Variants in KCNJ15 observed in about 807,000 individuals in gnomAD.
KCNJ15 encodes the protein ATP-sensitive inward rectifier potassium channel 15.
A neutral mutation model predicts 23.0 loss-of-function variants in KCNJ15; 14 were observed. That is an observed-to-expected ratio of 0.61 (90% confidence interval 0.40 to 0.95). The LOEUF is 0.95. Among genes scored for constraint, KCNJ15 ranks in the 40% least tolerant of loss-of-function variants. The pLI is 0.00. For missense variants in KCNJ15, 388 were observed against 461.8 expected, an observed-to-expected ratio of 0.84 and a Z score of 1.46; for synonymous variants, 185 against 183.2, an observed-to-expected ratio of 1.01 and a Z score of -0.08.
chr21:38,291,820 G>C (rs1470550568), intron 1 of KCNJ15: 1 of 152,238 alleles, frequency 6.6e-6, no homozygotes, highest in African/African-American at 2.4e-5. Flanking sequence ...TAGAGACACA[G>C]TGTTGAGATC....
chr21:38,237,683 A>G (rs1601119813), intron 1 of KCNJ15, among the ~76,000 whole-genome samples: 1 of 152,152 alleles, frequency 6.6e-6, no homozygotes, highest in South Asian at 2.1e-4. Context: ...ATGAAAAGTG[A>G]CCTTGGCTGT....
At chr21:38,247,614 G>T (rs917363930) in intron 1 of KCNJ15, among the ~76,000 whole-genome samples, 2 of 152,126 alleles carry the variant, frequency 1.3e-5, no homozygotes, top group Non-Finnish European at 2.9e-5. Context: ...GAATGGATAT[G>T]TAGGTAGATG....
upstream of KCNJ15, among the ~76,000 whole-genome samples, chr21:38,255,530 A>G (rs963220636): frequency 5.3e-5 from 8 of 152,140 alleles, no homozygotes; most frequent in East Asian, 1.9e-4. Flanking sequence ...GCCACCATTT[A>G]TACTCCCAGG....
chr21:38,248,017 C>T (rs1180761040), intron 1 of KCNJ15, among the ~76,000 whole-genome samples: 1 of 152,232 alleles, frequency 6.6e-6, no homozygotes, highest in African/African-American at 2.4e-5. Flanking sequence ...GGGCTATGTT[C>T]ACTCCATCCA....
intron 1 of KCNJ15, among the ~76,000 whole-genome samples, chr21:38,288,927 C>T (rs540086563): frequency 9.9e-4 from 151 of 152,282 alleles, no homozygotes; most frequent in African/African-American, 3.1e-3. Flanking sequence ...AAGCCGGGCG[C>T]GGTGGCTCAC....
intron 1 of KCNJ15, among the ~76,000 whole-genome samples, chr21:38,284,452 C>T (rs1034196966): frequency 6.6e-6 from 1 of 152,148 alleles, no homozygotes; most frequent in African/African-American, 2.4e-5. Context: ...ACCTGTCACT[C>T]AGAGCTCCTG....
chr21:38,243,000 T>C (rs1979115340), intron 1 of KCNJ15, among the ~76,000 whole-genome samples: 1 of 152,194 alleles, frequency 6.6e-6, no homozygotes, highest in South Asian at 2.1e-4. Context: ...GAAACAAAGA[T>C]AGGGATTCAA....
At chr21:38,240,696 T>A (rs1019855357) in intron 1 of KCNJ15, among the ~76,000 whole-genome samples, 4 of 152,224 alleles carry the variant, frequency 2.6e-5, no homozygotes, top group Non-Finnish European at 5.9e-5. Flanking sequence ...ATTTAGTACA[T>A]TTTTTGACCA....
At position 38,300,263 on chromosome 21, in the gene KCNJ15, GA is replaced by G. The variant is rs754187054; in HGVS notation, c.1006del (p.Ser336AlafsTer30). 4 of 1,614,198 alleles carry G rather than the reference GA, an allele frequency of 2.5e-6. No individual in the cohort carries two copies. The South Asian group carries it at 4.4e-5, about 18-fold the overall frequency. On this transcript the variant is annotated frameshift_variant, in exon 3 of 3. Coordinates refer to ENST00000398938, the MANE Select transcript of KCNJ15 (RefSeq NM_170736.3). LOFTEE classifies it high-confidence loss of function. ...ADFSQFEQIR[K>X]SPDCTFYCAD... ...ATTTCAGTCAGTTTGAACAGATTCG[GA>G]AAAGCCCAGATTGCACATTTTACTG...
chr21:38,256,377 T>TAC (rs1980245308), upstream of KCNJ15, among the ~76,000 whole-genome samples: 1 of 137,170 alleles, frequency 7.3e-6, no homozygotes, highest in Non-Finnish European at 1.5e-5. Flanking sequence ...TATATATATA[T>TAC]ATAATATTTA....
intron 1 of KCNJ15, among the ~76,000 whole-genome samples, chr21:38,284,780 A>G (rs116166178): frequency 0.016 from 2,498 of 152,194 alleles, 82 homozygotes; most frequent in African/African-American, 0.058. Flanking sequence ...TCGCCTACTC[A>G]ATATCCTCCT....
Position 38,299,975 on chromosome 21 carries a change from C to T in KCNJ15, c.714C>T (p.His238=), listed in dbSNP as rs140242614. Residue 238 remains histidine (H), a synonymous_variant, in exon 3 of 3, where the codon CAC becomes CAT. Transcript: ENST00000398938. The surrounding 1 kb of genome is among the most constrained non-coding windows in gnomAD (Gnocchi z 4.5). ...ILLNQATVKF[H]VDSSSESPFL... is the part of the protein sequence containing the mutation. ...TCAACCAAGCCACTGTCAAATTCCA[C>T]GTGGACTCCTCCTCTGAGAGCCCCT... 64 of 1,614,022 alleles carry T rather than the reference C, an allele frequency of 4.0e-5. No individual in the cohort carries two copies. Among genetic ancestry groups the T allele is most frequent in the African/African-American group, 3.9e-4 (29 of 75,002 alleles).
chr21:38,260,929 A>C (rs1980820975), intron 1 of KCNJ15, among the ~76,000 whole-genome samples: 1 of 152,206 alleles, frequency 6.6e-6, no homozygotes, highest in Non-Finnish European at 1.5e-5. Flanking sequence ...GCCTGACCAG[A>C]AGTCACAGAG....
chr21:38,295,547 C>G (rs958072296), intron 1 of KCNJ15, among the ~76,000 whole-genome samples: 1 of 147,280 alleles, frequency 6.8e-6, no homozygotes, highest in Non-Finnish European at 1.5e-5. Flanking sequence ...GCAAGCTGCA[C>G]TTTTTTTTTT....
At chr21:38,283,902 C>T (rs1041953899) in intron 1 of KCNJ15, among the ~76,000 whole-genome samples, 3 of 152,160 alleles carry the variant, frequency 2.0e-5, no homozygotes, top group Non-Finnish European at 4.4e-5. Context: ...CCTCAGTCTC[C>T]TTTGCCTGTA....
chr21:38,262,605 A>T (rs528726079), intron 1 of KCNJ15, among the ~76,000 whole-genome samples: 2 of 152,326 alleles, frequency 1.3e-5, no homozygotes, highest in African/African-American at 2.4e-5. Flanking sequence ...AAAATTAAAC[A>T]TTAAGTGCAC....
chr21:38,302,791 T>A lies in KCNJ15; in HGVS notation c.*2402T>A, dbSNP rs1462981714. The A allele has an allele frequency of 6.6e-6, 1 of 152,178 alleles. No homozygotes were observed. Among genetic ancestry groups the A allele is most frequent in the Non-Finnish European group, 1.5e-5 (1 of 68,022 alleles). 9.4% of individuals were successfully genotyped at this position (152,178 alleles called of 1,614,324 possible). On this transcript the variant is annotated 3_prime_UTR_variant, in exon 3 of 3. Transcript: ENST00000398938. ...GACGTAGCATAAGATCCAAAAAAAATTTTGTATTGTCATTTAGCATATCAA... is the reference window on the plus strand; with the variant it reads ...GACGTAGCATAAGATCCAAAAAAAAATTTGTATTGTCATTTAGCATATCAA...
intron 2 of KCNJ15, among the ~76,000 whole-genome samples, 188 bp downstream of exon 2, chr21:38,297,211 T>C (rs551619256): frequency 6.6e-6 from 1 of 152,160 alleles, no homozygotes; most frequent in African/African-American, 2.4e-5. Flanking sequence ...GGAGGTATGA[T>C]AGATGCCATT....
At position 38,302,737 on chromosome 21, in the gene KCNJ15, T is replaced by C. The variant is rs1985889020; in HGVS notation, c.*2348T>C. 1 of 152,186 alleles carries C rather than the reference T, an allele frequency of 6.6e-6. No homozygotes were observed. The highest frequency in any genetic ancestry group is 2.1e-4 in the South Asian group (1 of 4,834). The allele number at this position is 152,186 out of a possible 1,614,324, so 9.4% of individuals were successfully genotyped here. ...TTGAATGTGATGCCAATTAAAAATCTTGTTCATTTATATTGTATATGGTAC... is the reference window on the plus strand; with the variant it reads ...TTGAATGTGATGCCAATTAAAAATCCTGTTCATTTATATTGTATATGGTAC... On this transcript the variant is annotated 3_prime_UTR_variant, in exon 3 of 3. Coordinates refer to ENST00000398938, the MANE Select transcript of KCNJ15 (RefSeq NM_170736.3).
Sources: allele counts gnomAD v4.1 joint callset (sites outside exome capture counted in the v4.1 genomes callset), GRCh38; gene constraint gnomAD v4.1.1; non-coding constraint Gnocchi (gnomAD v3.1); transcripts MANE v1.5; gene names NCBI Gene and HGNC (gene_info 2026-07-23, HGNC 2026-07-21).